Variants in ZNF782 observed in about 807,000 individuals in gnomAD.
The protein encoded by ZNF782 is zinc finger protein 782.
In ZNF782, 12 loss-of-function variants were observed where a neutral mutation model predicts 13.0. The ratio of observed to expected loss-of-function variants is 0.92; its 90% CI spans 0.59 to 1.50. The LOEUF is 1.50. Ranked by LOEUF, ZNF782 falls within the 40% of genes most tolerant of loss-of-function variation. ZNF782 has a pLI of 0.00. For synonymous variants in ZNF782, 284 were observed against 283.0 expected, an observed-to-expected ratio of 1.00 and a Z score of -0.04; for missense variants, 770 against 822.9, an observed-to-expected ratio of 0.94 and a Z score of 0.79.
chr9:96,847,082 G>C (rs1390837492), intron 3 of ZNF782, among the ~76,000 whole-genome samples: 1 of 152,156 alleles, frequency 6.6e-6, no homozygotes, highest in Non-Finnish European at 1.5e-5. Flanking sequence ...ATCTGCTCCT[G>C]AATGATTTCT....
the ZNF782 span, among the ~76,000 whole-genome samples, chr9:96,911,423 A>G: frequency 2.9e-4 from 30 of 103,754 alleles, no homozygotes; most frequent in African/African-American, 8.5e-4. Flanking sequence ...TGGGCAACAG[A>G]GCAAGACTCT....
intron 1 of ZNF782, among the ~76,000 whole-genome samples, chr9:96,874,690 G>A (rs1851871678): frequency 6.6e-6 from 1 of 152,238 alleles, no homozygotes; most frequent in South Asian, 2.1e-4. Context: ...GGAAGCTCTG[G>A]AGAGTGGTAA....
At chr9:96,864,985 G>A (rs1238303467) in intron 1 of ZNF782, among the ~76,000 whole-genome samples, 1 of 151,822 alleles carries the variant, frequency 6.6e-6, no homozygotes, top group Non-Finnish European at 1.5e-5. Context: ...GTTTGAGTCT[G>A]CTGTGAGCTA....
chr9:96,849,105 A>G (rs958914852), intron 3 of ZNF782, among the ~76,000 whole-genome samples: 3 of 152,212 alleles, frequency 2.0e-5, no homozygotes, highest in Admixed American at 2.0e-4. Context: ...AGCAATCCCC[A>G]ACCTTTTTGG....
At chr9:96,883,897 AC>A in the ZNF782 span, among the ~76,000 whole-genome samples, 3 of 152,116 alleles carry the variant, frequency 2.0e-5, no homozygotes, top group Non-Finnish European at 4.4e-5. Context: ...CACTACAGAA[AC>A]CTCCAACCCA....
rs1489748666 is a variant in ZNF782, at chr9:96,846,500, A to AAT, written c.16-1486_16-1485dup. On this transcript the variant is annotated intron_variant, in intron 3 of 5. Transcript: ENST00000481138. ...AACTCAAGGTAAAGGGAAGGAAAAAAATATTCCATGCAAATGGAAACCAAA... is the reference window on the plus strand; with the variant it reads ...AACTCAAGGTAAAGGGAAGGAAAAAAATATATTCCATGCAAATGGAAACCAAA... Among the ~76,000 whole-genome samples the AAT allele has an allele frequency of 5.3e-5, 8 of 152,304 alleles. No individual in the cohort carries two copies. In the South Asian group the frequency reaches 1.0e-3, roughly 20 times the overall value.
rs74883718 is a variant in ZNF782, at chr9:96,834,171, G to A, written c.143-6990C>T. Among the ~76,000 whole-genome samples, 1,404 of 152,290 alleles carry A rather than the reference G, an allele frequency of 9.2e-3. 52 individuals carry two copies. In the East Asian group the frequency reaches 0.1, roughly 11 times the overall value. ...GAATTGTAGTTCCCATAATCCCCAC[G>A]TCATGGGACGGACCAGGTGGAGAAA... On this transcript the variant is annotated intron_variant, in intron 4 of 5. Transcript: ENST00000481138.
At chr9:96,928,809 T>C in the ZNF782 span, 3 of 509,936 alleles carry the variant, frequency 5.9e-6, no homozygotes, top group South Asian at 6.1e-5. Flanking sequence ...CTTCACAGAA[T>C]GTCCCCCACC....
In ZNF782 at chr9:96,819,709, A is replaced by G. The variant is rs202222530; in HGVS notation, c.314T>C (p.Leu105Ser). The change falls in exon 6 of 6, where the codon TTA becomes TCA. Residue 105 changes from leucine to serine, a missense_variant. Physicochemically the swap from Leu to Ser is moderately radical, Grantham distance 145. Coordinates refer to ENST00000481138, the MANE Select transcript of ZNF782 (RefSeq NM_001001662.3). ...ENQGKHLLQV[L>S]FTNKLLTTEQ... ...TGTAGTCAATAATTTATTGGTGAAT[A>G]AAACTTGCAACAAATGTTTGCCTTG... The G allele has an allele frequency of 1.1e-5, 17 of 1,612,932 alleles. No homozygotes were observed. The highest frequency in any genetic ancestry group is 1.4e-5 in the Non-Finnish European group (17 of 1,179,788).
intron 2 of ZNF782, among the ~76,000 whole-genome samples, chr9:96,852,367 C>T (rs1851520968): frequency 6.6e-6 from 1 of 152,226 alleles, no homozygotes; most frequent in African/African-American, 2.4e-5. Flanking sequence ...CTAGCAGGTA[C>T]TGTGGTTCAA....
At chr9:96,927,110 T>C in the ZNF782 span, among the ~76,000 whole-genome samples, 1 of 152,150 alleles carries the variant, frequency 6.6e-6, no homozygotes, top group Non-Finnish European at 1.5e-5. Context: ...AGAATGAAGA[T>C]TTTTTTAAAG....
chr9:96,917,928 GTA>G, the ZNF782 span, among the ~76,000 whole-genome samples: 1 of 149,796 alleles, frequency 6.7e-6, no homozygotes, highest in Non-Finnish European at 1.5e-5. Flanking sequence ...GTGTGTGTGT[GTA>G]GATGGGGGTC....
At chr9:96,914,427 G>GTTA in the ZNF782 span, among the ~76,000 whole-genome samples, 2 of 151,878 alleles carry the variant, frequency 1.3e-5, no homozygotes, top group Non-Finnish European at 2.9e-5. Flanking sequence ...GCCCACTTAT[G>GTTA]TTATTATAAT....
intron 5 of ZNF782, among the ~76,000 whole-genome samples, chr9:96,821,186 C>G (rs12236125): frequency 0.13 from 20,137 of 152,126 alleles, 3,238 homozygotes; most frequent in African/African-American, 0.38. Flanking sequence ...AGTGCCCTAA[C>G]AGATATTCAG....
chr9:96,859,525 G>T (rs1851680946), intron 3 of ZNF782, among the ~76,000 whole-genome samples: 1 of 152,154 alleles, frequency 6.6e-6, no homozygotes, highest in African/African-American at 2.4e-5. Flanking sequence ...GGCTACAAGG[G>T]AACCTGCTTC....
chr9:96,827,191 G>A lies in ZNF782; in HGVS notation c.143-10C>T. 2 of 1,589,436 alleles carry A rather than the reference G, an allele frequency of 1.3e-6. No homozygotes were observed. Among genetic ancestry groups the A allele is most frequent in the East Asian group, 2.2e-5 (1 of 44,556 alleles). On this transcript the variant is annotated splice_polypyrimidine_tract_variant and intron_variant, in intron 4 of 5. Transcript: ENST00000481138. ...TTTGTAAAGCAGTAGCCTATAAATG[G>A]GAAACAATTTAGCATTTGCATTAGT...
chr9:96,893,218 C>A, the ZNF782 span: 1 of 152,200 alleles, frequency 6.6e-6, no homozygotes, highest in Non-Finnish European at 1.5e-5. Flanking sequence ...AGAAATCATA[C>A]TGAGCCTTTT....
chr9:96,926,698 G>A, the ZNF782 span, among the ~76,000 whole-genome samples: 1 of 152,110 alleles, frequency 6.6e-6, no homozygotes, highest in Non-Finnish European at 1.5e-5. Flanking sequence ...CCACAACCCA[G>A]GCAAGGAGGG....
At chr9:96,829,647 G>A (rs543829042) in intron 4 of ZNF782, among the ~76,000 whole-genome samples, 1 of 152,014 alleles carries the variant, frequency 6.6e-6, no homozygotes, top group South Asian at 2.1e-4. Context: ...CGATCCAAAA[G>A]GAAAACACAT....
Sources: gnomAD v4.1 joint callset for allele counts (sites outside exome capture counted in the v4.1 genomes callset) on GRCh38, gnomAD v4.1.1 for gene constraint, MANE v1.5 for transcripts, NCBI Gene and HGNC (gene_info 2026-07-23, HGNC 2026-07-21) for gene names.